COL14A1: variants seen among roughly 807,000 people sequenced by gnomAD.
The protein encoded by COL14A1 is collagen alpha-1(XIV) chain.
In COL14A1, 136 loss-of-function variants were observed where a neutral mutation model predicts 230.3. That is an observed-to-expected ratio of 0.59 (90% CI 0.51 to 0.68). The LOEUF (loss-of-function observed/expected upper bound fraction) is 0.68. Among genes scored for constraint, COL14A1 ranks in the 30% least tolerant of loss-of-function variants. COL14A1 has a pLI of 0.00. For missense variants in COL14A1, 1,976 were observed against 2,215.8 expected, an observed-to-expected ratio of 0.89 and a Z score of 2.17; for synonymous variants, 792 against 784.1, an observed-to-expected ratio of 1.01 and a Z score of -0.17.
chr8:120,357,051 T>G (rs1490334029), intron 45 of COL14A1, among the ~76,000 whole-genome samples: 2 of 152,190 alleles, frequency 1.3e-5, no homozygotes, highest in African/African-American at 2.4e-5. Context: ...AGAAAGAAAC[T>G]CTTATGTATT....
rs187349414 is a variant in COL14A1 at position 120,324,440 on chromosome 8, T to A, written c.4660-7701T>A. Among the ~76,000 whole-genome samples, 555 of 152,306 alleles carry A rather than the reference T, an allele frequency of 3.6e-3. 3 individuals are homozygous for A. The highest frequency in any genetic ancestry group is 0.01 in the Middle Eastern group (3 of 294). On this transcript the variant is annotated intron_variant, in intron 40 of 47. Transcript: ENST00000297848. Reference sequence around the variant, plus strand: ...GGACAGTGTTTACAGAATCTGTGGCTTCTAGTTGCTTGGCCTCTTAATCTG... The same window carrying A: ...GGACAGTGTTTACAGAATCTGTGGCATCTAGTTGCTTGGCCTCTTAATCTG...
intron 5 of COL14A1, among the ~76,000 whole-genome samples, chr8:120,185,957 A>G (rs1816640384): frequency 6.6e-6 from 1 of 152,198 alleles, no homozygotes; most frequent in South Asian, 2.1e-4. Flanking sequence ...TATTTTTAGT[A>G]GAAATGGGGT....
At chr8:120,261,066 A>G (rs1819307402) in intron 23 of COL14A1, among the ~76,000 whole-genome samples, 1 of 152,200 alleles carries the variant, frequency 6.6e-6, no homozygotes, top group Admixed American at 6.5e-5. Context: ...GTTAACAACA[A>G]CTGTATATTT....
chr8:120,340,105 A>AGTGT (rs1181737995), intron 42 of COL14A1, among the ~76,000 whole-genome samples: 6 of 112,050 alleles, frequency 5.4e-5, no homozygotes, highest in Non-Finnish European at 9.3e-5. Context: ...TTTGTGAGTG[A>AGTGT]GTGAGTGTGT....
intron 34 of COL14A1, among the ~76,000 whole-genome samples, chr8:120,294,089 A>G (rs959661013): frequency 5.7e-4 from 86 of 151,790 alleles, no homozygotes; most frequent in Admixed American, 3.4e-3. Context: ...TGCAGTGTAA[A>G]GCTCTCTAGA....
At chr8:120,161,028 T>C (rs1453328111) in intron 3 of COL14A1, among the ~76,000 whole-genome samples, 4 of 152,164 alleles carry the variant, frequency 2.6e-5, no homozygotes, top group Non-Finnish European at 5.9e-5. Flanking sequence ...TTGTGAAAGA[T>C]ATATTAGGTG....
chr8:120,194,034 C>T (rs914515568), intron 5 of COL14A1, among the ~76,000 whole-genome samples: 9 of 152,330 alleles, frequency 5.9e-5, no homozygotes, highest in South Asian at 4.1e-4. Context: ...TGCTTCGGCT[C>T]GCGCACGGTG....
intron 45 of COL14A1, among the ~76,000 whole-genome samples, chr8:120,354,367 T>C (rs1297823516): frequency 1.7e-5 from 2 of 120,244 alleles, no homozygotes; most frequent in African/African-American, 7.3e-5. Flanking sequence ...AATGTGCACA[T>C]GTACCCTAAA....
At chr8:120,225,716 A>C (rs1232101325) in intron 15 of COL14A1, among the ~76,000 whole-genome samples, 6 of 152,162 alleles carry the variant, frequency 3.9e-5, no homozygotes, top group Non-Finnish European at 8.8e-5. Flanking sequence ...ATAAGACATG[A>C]ATACATTATT....
At chr8:120,231,663 A>G (rs1272717324) in intron 19 of COL14A1, 45 bp downstream of exon 19, 2 of 1,587,450 alleles carry the variant, frequency 1.3e-6, no homozygotes, top group East Asian at 4.5e-5. Flanking sequence ...GATGTTACTA[A>G]CACAGCTAAT....
Position 120,147,734 on chromosome 8 carries a change from G to A in COL14A1, c.-37-72G>A, listed in dbSNP as rs185295679. ...AATACTAATCCATGTTGGCTTATTC[G>A]CCTGTCCTAAATGATTACATATACT... On this transcript the variant is annotated intron_variant, in intron 1 of 47. Coordinates refer to ENST00000297848, the MANE Select transcript of COL14A1 (RefSeq NM_021110.4). 50 of 721,216 alleles carry A rather than the reference G, an allele frequency of 6.9e-5. No homozygotes were observed. The East Asian group carries it at 1.1e-3, about 15-fold the overall frequency. The allele number at this position is 721,216 out of a possible 1,614,324, so 44.7% of individuals were successfully genotyped here. A position where few individuals can be genotyped will look rare whatever the true frequency, so the allele number is the denominator to read the frequency against.
At chr8:120,230,701 T>C (rs1408793520) in intron 18 of COL14A1, among the ~76,000 whole-genome samples, 1 of 152,118 alleles carries the variant, frequency 6.6e-6, no homozygotes, top group African/African-American at 2.4e-5. Context: ...TTAATAACTA[T>C]ATAAAAACCA....
chr8:120,244,873 C>T (rs1338147492), intron 20 of COL14A1, among the ~76,000 whole-genome samples: 7 of 152,146 alleles, frequency 4.6e-5, no homozygotes, highest in African/African-American at 1.7e-4. Flanking sequence ...TTTTAGGCCT[C>T]CCAATGGCTT....
At chr8:120,301,587 C>A (rs1373828931) in intron 36 of COL14A1, among the ~76,000 whole-genome samples, 1 of 152,148 alleles carries the variant, frequency 6.6e-6, no homozygotes, top group Non-Finnish European at 1.5e-5. Context: ...ACCACATTTT[C>A]TTTATCCAAT....
chr8:120,332,676 A>AC lies in COL14A1; in HGVS notation c.4730dup (p.Gly1578TrpfsTer32). The AC allele has an allele frequency of 1.9e-6, 3 of 1,612,890 alleles. No homozygotes were observed. The highest frequency in any genetic ancestry group is 2.5e-6 in the Non-Finnish European group (3 of 1,179,316). On this transcript the variant is annotated frameshift_variant, in exon 42 of 48. Transcript: ENST00000297848. LOFTEE classifies it high-confidence loss of function. ...ACCTCTCTTCTAGGGCATTCCTGGC[A>AC]CCCCTGGAGTCCCAGGGATCACAGG...
intron 5 of COL14A1, among the ~76,000 whole-genome samples, chr8:120,182,817 C>G (rs962725235): frequency 6.6e-6 from 1 of 150,766 alleles, no homozygotes; most frequent in Non-Finnish European, 1.5e-5. Context: ...ACCTTCGCCC[C>G]TGGGGCTCAA....
rs369298811 is a variant in COL14A1 at position 120,356,116 on chromosome 8, T to A, written c.5077+10553T>A. On this transcript the variant is annotated intron_variant, in intron 45 of 47. Transcript: ENST00000297848. ...TGGAAGATGGTAAATGCTAAGTGAG[T>A]TATATAGAATATAAATGGTTTCAGA... Among the ~76,000 whole-genome samples the A allele has an allele frequency of 2.0e-5, 3 of 152,028 alleles. No homozygotes were observed. In the East Asian group the frequency reaches 5.8e-4, roughly 29 times the overall value.
At chr8:120,300,624 C>A (rs1030574155) in intron 35 of COL14A1, 108 bp from the exon 36 acceptor site, 19 of 815,264 alleles carry the variant, frequency 2.3e-5, no homozygotes, top group Non-Finnish European at 1.0e-5. Context: ...TTCTAATGTG[C>A]ACTTGAAAAT....
chr8:120,204,223 C>G (rs2130738173), intron 9 of COL14A1, among the ~76,000 whole-genome samples: 1 of 152,274 alleles, frequency 6.6e-6, no homozygotes, highest in South Asian at 2.1e-4. Context: ...TCTTGTAAAA[C>G]TAATTACATT....
Sources: gnomAD v4.1 joint callset for allele counts (sites outside exome capture counted in the v4.1 genomes callset) on GRCh38, gnomAD v4.1.1 for gene constraint, MANE v1.5 for transcripts, NCBI Gene and HGNC (gene_info 2026-07-23, HGNC 2026-07-21) for gene names.